Variants in ADAM20 observed in about 807,000 individuals in gnomAD.
The protein encoded by ADAM20 is disintegrin and metalloproteinase domain-containing protein 20.
For missense variants in ADAM20, 871 were observed against 883.2 expected, an observed-to-expected ratio of 0.99 and a Z score of 0.18; for synonymous variants, 305 against 310.2, an observed-to-expected ratio of 0.98 and a Z score of 0.18.
chr14:70,524,445 T>G lies in ADAM20; in HGVS notation c.313A>C (p.Ile105Leu). The change falls in exon 2 of 2, where the codon ATC becomes CTC. Residue 105 changes from isoleucine to leucine, a missense_variant. Transcript: ENST00000256389. ...CCATGGTAGTAGCAGTCATCCTGGATGAAGGGCTGATCCTGGAGCAGGGCA... is the reference window on the plus strand; with the variant it reads ...CCATGGTAGTAGCAGTCATCCTGGAGGAAGGGCTGATCCTGGAGCAGGGCA... ...QHALLQDQPF[I>L]QDDCYYHGYV... is the part of the protein sequence containing the mutation. 6.2e-7 allele frequency: 1 copy of G among 1,614,024 alleles called. No homozygotes were observed.
Position 70,522,806 on chromosome 14 carries a change from T to G in ADAM20, c.1952A>C (p.His651Pro). Residue 651 changes from histidine (H) to proline (P), a missense_variant, in exon 2 of 2, where the codon CAC becomes CCC. Transcript: ENST00000256389. ...TGCCCATTCATGGTTGCAGTGACAG[T>G]GTTGTTTGTTGTTGCAGATTCCCCT... ...NMRGICNNKQHCHCNHEWAPP... is the reference protein window; with the variant it reads ...NMRGICNNKQPCHCNHEWAPP... The G allele has an allele frequency of 6.2e-7, 1 of 1,613,958 alleles. No individual in the cohort carries two copies. The highest frequency in any genetic ancestry group is 1.1e-5 in the South Asian group (1 of 91,068).
the ADAM20 span, among the ~76,000 whole-genome samples, chr14:70,565,664 T>G: frequency 2.6e-5 from 4 of 152,108 alleles, no homozygotes; most frequent in African/African-American, 9.7e-5. Context: ...AGCAACTGTA[T>G]AGCAAAACAA....
At chr14:70,562,051 G>A in the ADAM20 span, among the ~76,000 whole-genome samples, 3 of 152,230 alleles carry the variant, frequency 2.0e-5, no homozygotes, top group African/African-American at 7.2e-5. Context: ...TGGACAGCTT[G>A]AACCGAGCAC....
chr14:70,557,496 C>T, the ADAM20 span: 2 of 152,220 alleles, frequency 1.3e-5, no homozygotes, highest in Non-Finnish European at 2.9e-5. Flanking sequence ...GCCTCATTAT[C>T]TTACACTTTT....
At chr14:70,567,902 A>G in the ADAM20 span, among the ~76,000 whole-genome samples, 1 of 152,008 alleles carries the variant, frequency 6.6e-6, no homozygotes, top group East Asian at 1.9e-4. Flanking sequence ...GACCTGGTGC[A>G]CCTCCCCAAC....
intron 1 of ADAM20, among the ~76,000 whole-genome samples, chr14:70,534,107 A>AAAC (rs1566659202): frequency 3.1e-5 from 4 of 128,056 alleles, no homozygotes; most frequent in East Asian, 2.2e-4. Flanking sequence ...AAAAAAAAAA[A>AAAC]ACACACACAC....
the ADAM20 span, among the ~76,000 whole-genome samples, chr14:70,567,303 A>G: frequency 6.6e-6 from 1 of 152,190 alleles, no homozygotes; most frequent in Admixed American, 6.5e-5. Flanking sequence ...TGGCTTTGGC[A>G]AGCACAGGAG....
chr14:70,573,018 T>C, the ADAM20 span, among the ~76,000 whole-genome samples: 10 of 151,948 alleles, frequency 6.6e-5, no homozygotes, highest in Admixed American at 3.3e-4. Context: ...TGTAGAAAAA[T>C]AGTATGGAGA....
chr14:70,574,830 T>C, the ADAM20 span, among the ~76,000 whole-genome samples: 1 of 151,636 alleles, frequency 6.6e-6, no homozygotes, highest in Non-Finnish European at 1.5e-5. Context: ...GCAGCATATA[T>C]ATATAATGGT....
chr14:70,555,807 T>A, the ADAM20 span, among the ~76,000 whole-genome samples: 1 of 152,172 alleles, frequency 6.6e-6, no homozygotes. Flanking sequence ...CTCTTACTTC[T>A]CCCTTTCAAA....
intron 1 of ADAM20, among the ~76,000 whole-genome samples, chr14:70,528,371 G>C (rs1883636822): frequency 2.0e-5 from 3 of 152,200 alleles, no homozygotes; most frequent in African/African-American, 7.2e-5. Flanking sequence ...GGATCAGAAA[G>C]TGAATAGATA....
chr14:70,535,071 T>G (rs186498775), upstream of ADAM20: 5 of 152,370 alleles, frequency 3.3e-5, no homozygotes, highest in East Asian at 7.7e-4. Context: ...TCAATGTTGA[T>G]TGCAGTGAAC....
the ADAM20 span, among the ~76,000 whole-genome samples, chr14:70,570,913 G>GATC: frequency 2.6e-5 from 4 of 152,082 alleles, no homozygotes; most frequent in African/African-American, 9.7e-5. Context: ...AATTCATCAT[G>GATC]ATCAAGTGGG....
chr14:70,576,430 A>T, the ADAM20 span, among the ~76,000 whole-genome samples: 94 of 152,210 alleles, frequency 6.2e-4, no homozygotes, highest in East Asian at 0.012. Flanking sequence ...AGCTGATAAA[A>T]TTTTTTTTAA....
chr14:70,524,939 A>T lies in ADAM20; in HGVS notation c.-176-6T>A. The T allele has an allele frequency of 1.3e-6, 2 of 1,557,782 alleles. No individual in the cohort carries two copies. Among genetic ancestry groups the T allele is most frequent in the Non-Finnish European group, 8.7e-7 (1 of 1,153,340 alleles). The stretch of plus-strand genomic sequence containing the variant: ...TGCAGTGCTGAAAATAAAAACTGAA[A>T]GAGCCAGGATGGGGTGGGTGGGATA... On this transcript the variant is annotated splice_polypyrimidine_tract_variant and splice_region_variant and intron_variant, in intron 1 of 1. Coordinates refer to ENST00000256389, the MANE Select transcript of ADAM20 (RefSeq NM_003814.5).
chr14:70,569,369 G>A, the ADAM20 span, among the ~76,000 whole-genome samples: 1 of 152,094 alleles, frequency 6.6e-6, no homozygotes, highest in African/African-American at 2.4e-5. Context: ...ACACAATTGA[G>A]ACTACAAAAC....
At chr14:70,575,828 G>C in the ADAM20 span, among the ~76,000 whole-genome samples, 9 of 152,140 alleles carry the variant, frequency 5.9e-5, no homozygotes, top group Non-Finnish European at 1.2e-4. Flanking sequence ...TTCTGGAAAG[G>C]CTTCTCAGAA....
chr14:70,539,085 C>A (rs141330525), upstream of ADAM20, among the ~76,000 whole-genome samples: 557 of 148,698 alleles, frequency 3.7e-3, 3 homozygotes, highest in Non-Finnish European at 5.8e-3. Flanking sequence ...AACGAGCCAA[C>A]AGTGCATGAT....
At chr14:70,558,175 TCAAAG>T in the ADAM20 span, among the ~76,000 whole-genome samples, 4 of 151,866 alleles carry the variant, frequency 2.6e-5, no homozygotes, top group South Asian at 4.2e-4. Flanking sequence ...GTAGAAGCAA[TCAAAG>T]CAAAGAATAA....
Sources: allele counts gnomAD v4.1 joint callset (sites outside exome capture counted in the v4.1 genomes callset), GRCh38; gene constraint gnomAD v4.1.1; transcripts MANE v1.5; gene names NCBI Gene and HGNC (gene_info 2026-07-23, HGNC 2026-07-21).